Variants in DIXDC1 observed in about 807,000 individuals in gnomAD.
The protein encoded by DIXDC1 is DIX domain containing 1, also known as dixin.
DIXDC1 carries 64 observed loss-of-function variants against 103.1 expected under a neutral mutation model. The observed-to-expected ratio is 0.62, with a 90% confidence interval of 0.51 to 0.76. The LOEUF is 0.76. Among genes scored for constraint, DIXDC1 ranks in the 30% least tolerant of loss-of-function variants. The pLI is 0.00. For synonymous variants in DIXDC1, 266 were observed against 298.5 expected, an observed-to-expected ratio of 0.89 and a Z score of 1.12; for missense variants, 759 against 834.2, an observed-to-expected ratio of 0.91 and a Z score of 1.11.
chr11:111,993,684 G>C lies in DIXDC1; in HGVS notation c.1381G>C (p.Glu461Gln). 1 of 1,614,040 alleles carries C rather than the reference G, an allele frequency of 6.2e-7. No homozygotes were observed. Among genetic ancestry groups the C allele is most frequent in the Non-Finnish European group, 8.5e-7 (1 of 1,179,896 alleles). Residue 461 changes from glutamate to glutamine, a missense_variant, in exon 14 of 20, where the codon GAG (glutamate) becomes CAG (glutamine). Glu to Gln is a conservative substitution (Grantham distance 29). This residue lies in a region of DIXDC1 where 657 missense variants were observed against 727.5 expected (regional missense o/e 0.90). Transcript: ENST00000440460. ...TATTTTGCAGGTGGATCTAGAGCGAGAGCTAGAACACAAAGATGTCCTCTT... is the reference window on the plus strand; with the variant it reads ...TATTTTGCAGGTGGATCTAGAGCGACAGCTAGAACACAAAGATGTCCTCTT... ...VSYHQVDLERELEHKDVLLAH... is the reference protein window; with the variant it reads ...VSYHQVDLERQLEHKDVLLAH...
intron 17 of DIXDC1, among the ~76,000 whole-genome samples, chr11:112,000,756 G>A (rs889904267): frequency 6.6e-6 from 1 of 151,676 alleles, no homozygotes; most frequent in Non-Finnish European, 1.5e-5. Context: ...AGTCATTAGG[G>A]GAATGCAAAT....
chr11:111,959,989 A>C (rs1859517558), intron 1 of DIXDC1, among the ~76,000 whole-genome samples: 1 of 151,994 alleles, frequency 6.6e-6, no homozygotes, highest in Admixed American at 6.6e-5. Context: ...GACTCACTGC[A>C]ACCTCCACCT....
At chr11:111,936,845 AGTGTGT>A (rs57332873), upstream of DIXDC1, among the ~76,000 whole-genome samples, 2,401 of 140,812 alleles carry the variant, frequency 0.017, 76 homozygotes, top group African/African-American at 0.056. Context: ...TTAAGTTAGC[AGTGTGT>A]GTGTGTGTGT....
chr11:112,002,131 G>A (rs1378459372), intron 17 of DIXDC1, among the ~76,000 whole-genome samples: 1 of 151,984 alleles, frequency 6.6e-6, no homozygotes, highest in Non-Finnish European at 1.5e-5. Flanking sequence ...CGAGGAATTT[G>A]CACCCACTTG....
At chr11:112,008,900 G>A (rs1861323119) in intron 17 of DIXDC1, among the ~76,000 whole-genome samples, 1 of 152,076 alleles carries the variant, frequency 6.6e-6, no homozygotes, top group Non-Finnish European at 1.5e-5. Context: ...AAAAGAAATC[G>A]AGAATCAAGA....
intron 1 of DIXDC1, among the ~76,000 whole-genome samples, chr11:111,941,837 T>TACACACAC (rs10635444): frequency 0.017 from 2,409 of 139,252 alleles, 28 homozygotes; most frequent in African/African-American, 0.033. Context: ...CGAAACAAAA[T>TACACACAC]ACACACACAC....
At chr11:111,947,605 C>G (rs782661997) in intron 1 of DIXDC1, among the ~76,000 whole-genome samples, 10 of 152,114 alleles carry the variant, frequency 6.6e-5, no homozygotes, top group Non-Finnish European at 1.5e-4. Context: ...ATCTTCAGGT[C>G]AAAGAGAGAC....
intron 17 of DIXDC1, among the ~76,000 whole-genome samples, chr11:112,009,415 T>TC (rs1209974221): frequency 6.6e-6 from 1 of 152,124 alleles, no homozygotes; most frequent in African/African-American, 2.4e-5. Context: ...CTGAAACTAT[T>TC]CCAATCAACA....
upstream of DIXDC1, among the ~76,000 whole-genome samples, chr11:111,935,431 G>T (rs892671374): frequency 6.6e-6 from 1 of 152,180 alleles, no homozygotes; most frequent in Non-Finnish European, 1.5e-5. Flanking sequence ...TTTGAGAAAC[G>T]CTGACCTCTG....
chr11:111,982,745 T>C lies in DIXDC1; in HGVS notation c.918+258T>C, dbSNP rs144802068. Reference sequence around the variant, plus strand: ...CCATTACTGACCCTTATCAAGTCCTTATTGTTGACTCTGTGCTACATAGGT... The same window carrying C: ...CCATTACTGACCCTTATCAAGTCCTCATTGTTGACTCTGTGCTACATAGGT... On this transcript the variant is annotated intron_variant, in intron 7 of 19. Transcript: ENST00000440460. 1.1e-4 allele frequency among the ~76,000 whole-genome samples: 16 copies of C among 152,324 alleles called. No individual in the cohort carries two copies. In the East Asian group the frequency reaches 2.7e-3, roughly 26 times the overall value.
chr11:111,954,379 A>G (rs1025219644), intron 1 of DIXDC1, among the ~76,000 whole-genome samples: 3 of 152,286 alleles, frequency 2.0e-5, no homozygotes, highest in Non-Finnish European at 4.4e-5. Flanking sequence ...AATGTGAGCA[A>G]TGGGGAGCAG....
intron 1 of DIXDC1, among the ~76,000 whole-genome samples, chr11:111,938,455 T>G (rs1289573318): frequency 1.3e-5 from 2 of 152,170 alleles, no homozygotes; most frequent in African/African-American, 4.8e-5. Flanking sequence ...TCCTTCCATC[T>G]CTCTCTTTCT....
In DIXDC1 at chr11:111,974,238, T is replaced by A. The variant is rs1817774937; in HGVS notation, c.532T>A (p.Phe178Ile). 1.2e-6 allele frequency: 2 copies of A among 1,613,356 alleles called. No homozygotes were observed. Among genetic ancestry groups the A allele is most frequent in the Non-Finnish European group, 1.7e-6 (2 of 1,179,692 alleles). The change falls in exon 4 of 20, where the codon TTT becomes ATT. Residue 178 changes from phenylalanine (F) to isoleucine (I), a missense_variant. Phe to Ile is a conservative substitution (Grantham distance 21). Around this residue, in one of 3 missense-constraint regions of DIXDC1, gnomAD observed 657 missense variants for 727.5 expected, o/e 0.90. Transcript: ENST00000440460. ...CATGTCCCGATCAGGACGGGATGTC[T>A]TTCGATATAGACAGAGGTAAGGGTA... ...HDMSRSGRDVFRYRQRNSSMD... is the reference protein window; with the variant it reads ...HDMSRSGRDVIRYRQRNSSMD...
upstream of DIXDC1, among the ~76,000 whole-genome samples, chr11:111,935,679 G>C (rs1160344337): frequency 6.6e-6 from 1 of 152,134 alleles, no homozygotes; most frequent in Non-Finnish European, 1.5e-5. Context: ...GTGACTCTCC[G>C]GGGGTGTTAC....
chr11:111,964,541 T>G lies in DIXDC1; in HGVS notation c.61-8T>G, dbSNP rs1555171309. The stretch of plus-strand genomic sequence containing the variant: ...CTCTTTCCCTTACTTATATCTTTTA[T>G]TTTCCAGCAACAGCTGCAGGCCTAT... On this transcript the variant is annotated splice_polypyrimidine_tract_variant and splice_region_variant and intron_variant, in intron 1 of 19. Transcript: ENST00000440460. 1.3e-6 allele frequency: 2 copies of G among 1,587,456 alleles called. No individual in the cohort carries two copies. Among genetic ancestry groups the G allele is most frequent in the Non-Finnish European group, 1.7e-6 (2 of 1,166,102 alleles).
chr11:111,950,004 T>C (rs1382671562), intron 1 of DIXDC1, among the ~76,000 whole-genome samples: 1 of 152,138 alleles, frequency 6.6e-6, no homozygotes, highest in Non-Finnish European at 1.5e-5. Flanking sequence ...CTTGGCACAA[T>C]GCCTGGCAGA....
rs782438437 is a variant in DIXDC1, at chr11:111,981,341, C to G, written c.769+492C>G. Among the ~76,000 whole-genome samples the G allele has an allele frequency of 2.0e-5, 3 of 152,292 alleles. No individual in the cohort carries two copies. In the East Asian group the frequency reaches 5.8e-4, roughly 29 times the overall value. ...CTTTGTTTAGACTTCCATACTCTGTCTCAGTTGCTCTTTATTTTTTCTTAC... is the reference window on the plus strand; with the variant it reads ...CTTTGTTTAGACTTCCATACTCTGTGTCAGTTGCTCTTTATTTTTTCTTAC... On this transcript the variant is annotated intron_variant, in intron 6 of 19. Coordinates refer to ENST00000440460, the MANE Select transcript of DIXDC1 (RefSeq NM_001037954.4).
chr11:111,994,424 C>CAT (rs1860809643), intron 14 of DIXDC1, among the ~76,000 whole-genome samples: 1 of 151,328 alleles, frequency 6.6e-6, no homozygotes, highest in African/African-American at 2.4e-5. Flanking sequence ...TTCATACATA[C>CAT]ATATATATAC....
chr11:111,961,371 T>C (rs1275465561), intron 1 of DIXDC1, among the ~76,000 whole-genome samples: 1 of 152,244 alleles, frequency 6.6e-6, no homozygotes, highest in African/African-American at 2.4e-5. Flanking sequence ...CTGGATTCCA[T>C]ATTCATGATT....
Sources: gnomAD v4.1 joint callset for allele counts (sites outside exome capture counted in the v4.1 genomes callset) on GRCh38, gnomAD v4.1.1 for gene constraint, gnomAD v4.1.1 regional missense constraint, MANE v1.5 for transcripts, NCBI Gene and HGNC (gene_info 2026-07-23, HGNC 2026-07-21) for gene names.